The following ROBO2 variants were observed in gnomAD, a reference collection of about 807,000 sequenced individuals.
ROBO2 encodes roundabout guidance receptor 2, also known as roundabout homolog 2.
Under a neutral mutation model 160.8 loss-of-function variants are expected in ROBO2, and 53 were observed. That is an observed-to-expected ratio of 0.33 (90% CI 0.26 to 0.41). The LOEUF (loss-of-function observed/expected upper bound fraction) is 0.41, where lower values mean the gene tolerates loss of function less well. Ranked by LOEUF, ROBO2 falls within the 10% of genes least tolerant of loss-of-function variation. ROBO2 has a pLI of 1.00. For synonymous variants in ROBO2, 664 were observed against 611.7 expected (o/e 1.09, Z -1.26); for missense variants, 1,577 against 1,722.4 (o/e 0.92, Z 1.49).
At chr3:76,722,193 G>T (rs1431285246) in intron 2 of ROBO2, among the ~76,000 whole-genome samples, 1 of 152,104 alleles carries the variant, frequency 6.6e-6, no homozygotes, top group Non-Finnish European at 1.5e-5. Flanking sequence ...CCTGGAGGGA[G>T]ATCTTAGATG....
At chr3:76,282,186 C>T (rs1258186076) in intron 2 of ROBO2, among the ~76,000 whole-genome samples, 2 of 151,942 alleles carry the variant, frequency 1.3e-5, no homozygotes, top group Admixed American at 6.6e-5. Flanking sequence ...GGATTTCCAA[C>T]TGTTTAGTTG....
chr3:76,419,856 G>A (rs951498939), intron 2 of ROBO2, among the ~76,000 whole-genome samples: 1 of 152,088 alleles, frequency 6.6e-6, no homozygotes, highest in Non-Finnish European at 1.5e-5. Context: ...TCAATGTGAA[G>A]CAACTAACTC....
At chr3:76,396,812 T>A (rs1337449258) in intron 2 of ROBO2, among the ~76,000 whole-genome samples, 1 of 151,954 alleles carries the variant, frequency 6.6e-6, no homozygotes, top group Admixed American at 6.6e-5. Flanking sequence ...CACTGCTCAA[T>A]GAAATAAAAG....
intron 2 of ROBO2, among the ~76,000 whole-genome samples, chr3:76,483,314 T>A (rs903341799): frequency 1.1e-4 from 17 of 151,866 alleles, no homozygotes; most frequent in African/African-American, 4.1e-4. Flanking sequence ...GTCATTATTT[T>A]TTTTTTCAAT....
chr3:76,091,540 G>T lies in ROBO2; in HGVS notation c.109+153938G>T, dbSNP rs570979088. Among the ~76,000 whole-genome samples, 33 of 152,160 alleles carry T rather than the reference G, an allele frequency of 2.2e-4. 1 individual carries two copies. The South Asian group carries it at 6.8e-3, about 32-fold the overall frequency. On this transcript the variant is annotated intron_variant, in intron 2 of 26. Coordinates refer to the ROBO2 transcript ENST00000487694. ...TTGCACTTTCTTACAAAACTAACCG[G>T]CTCTTATCATATAATCTAGCAATTT... is the stretch of plus-strand genomic sequence containing the variant.
chr3:76,348,166 T>G (rs767935065), intron 2 of ROBO2, among the ~76,000 whole-genome samples: 27 of 150,496 alleles, frequency 1.8e-4, no homozygotes, highest in Non-Finnish European at 3.5e-4. Context: ...GTCTTCAGCA[T>G]CATCCGCCCA....
chr3:77,432,920 C>G (rs1362720153), intron 2 of ROBO2, among the ~76,000 whole-genome samples: 1 of 152,118 alleles, frequency 6.6e-6, no homozygotes, highest in Non-Finnish European at 1.5e-5. Context: ...GAAGAGAGGA[C>G]TCTCACAGGA....
chr3:76,997,644 C>G (rs2061094729), intron 2 of ROBO2, among the ~76,000 whole-genome samples: 1 of 152,150 alleles, frequency 6.6e-6, no homozygotes, highest in Admixed American at 6.6e-5. Context: ...AAGACCAGAT[C>G]AAGAGTGACA....
chr3:76,645,613 A>G (rs1470110995), intron 2 of ROBO2, among the ~76,000 whole-genome samples: 1 of 152,156 alleles, frequency 6.6e-6, no homozygotes, highest in African/African-American at 2.4e-5. Flanking sequence ...GCAGGGAGGG[A>G]GAGGACTGTT....
At chr3:77,426,984 T>G (rs945262340) in intron 2 of ROBO2, among the ~76,000 whole-genome samples, 1 of 152,232 alleles carries the variant, frequency 6.6e-6, no homozygotes, top group Admixed American at 6.5e-5. Flanking sequence ...GTCATACTCC[T>G]TTTAAAATTT....
chr3:77,289,324 C>T (rs565555144), intron 2 of ROBO2, among the ~76,000 whole-genome samples: 1 of 151,982 alleles, frequency 6.6e-6, no homozygotes, highest in South Asian at 2.1e-4. Context: ...GGCTAGAGCA[C>T]CAAAGACATA....
intron 2 of ROBO2, among the ~76,000 whole-genome samples, chr3:76,687,784 C>T (rs560914270): frequency 5.3e-5 from 8 of 151,978 alleles, no homozygotes; most frequent in Admixed American, 3.3e-4. Flanking sequence ...AAAAAATTAC[C>T]ATGAAATACC....
chr3:76,657,591 T>TATATATATGTATATATATATTC (rs1283224566), intron 2 of ROBO2, among the ~76,000 whole-genome samples: 205 of 145,320 alleles, frequency 1.4e-3, no homozygotes, highest in African/African-American at 5.0e-3. Context: ...CTAAAAAAAA[T>TATATATATGTATATATATATTC]ATATATATGT....
chr3:77,166,996 A>G (rs939693965), intron 2 of ROBO2, among the ~76,000 whole-genome samples: 1 of 152,176 alleles, frequency 6.6e-6, no homozygotes, highest in African/African-American at 2.4e-5. Context: ...TTGCACTTAC[A>G]TGGTTCAGCA....
intron 6 of ROBO2, among the ~76,000 whole-genome samples, chr3:77,543,289 G>T (rs1028644833): frequency 1.3e-5 from 2 of 151,520 alleles, no homozygotes; most frequent in African/African-American, 4.9e-5. Flanking sequence ...ATATTTACTT[G>T]TAAGCCTCTG....
intron 2 of ROBO2, among the ~76,000 whole-genome samples, chr3:77,016,178 G>A (rs546911080): frequency 5.4e-4 from 82 of 152,030 alleles, no homozygotes; most frequent in African/African-American, 1.7e-3. Flanking sequence ...GGGTTTCACC[G>A]TGTTAGCCAG....
At chr3:77,037,580 G>A (rs1040910021), upstream of ROBO2, among the ~76,000 whole-genome samples, 2 of 152,116 alleles carry the variant, frequency 1.3e-5, no homozygotes, top group African/African-American at 2.4e-5. Flanking sequence ...TCTATGAATA[G>A]GGCAACATTT....
At chr3:77,383,565 T>A (rs2073779834) in intron 2 of ROBO2, among the ~76,000 whole-genome samples, 1 of 152,166 alleles carries the variant, frequency 6.6e-6, no homozygotes, top group Non-Finnish European at 1.5e-5. Flanking sequence ...GTTGAAATTT[T>A]AACTAGTTTT....
At chr3:76,701,777 A>G (rs891363047) in intron 2 of ROBO2, among the ~76,000 whole-genome samples, 2 of 151,834 alleles carry the variant, frequency 1.3e-5, no homozygotes, top group African/African-American at 4.8e-5. Flanking sequence ...CATTTTCTTT[A>G]TAATTTTGGT....
Sources: allele counts gnomAD v4.1 joint callset (sites outside exome capture counted in the v4.1 genomes callset), GRCh38; gene constraint gnomAD v4.1.1; transcripts MANE v1.5; gene names NCBI Gene and HGNC (gene_info 2026-07-23, HGNC 2026-07-21).